Variants in KIAA1217 observed in about 807,000 individuals in gnomAD.
The protein encoded by KIAA1217 is KIAA1217, also known as sickle tail protein homolog.
A neutral mutation model predicts 163.9 loss-of-function variants in KIAA1217; 88 were observed. The observed-to-expected ratio is 0.54, with a 90% confidence interval of 0.45 to 0.64. The LOEUF (loss-of-function observed/expected upper bound fraction) is 0.64. KIAA1217 is among the 30% of genes least tolerant of loss of function. The pLI is 0.00. For synonymous variants in KIAA1217, 903 were observed against 923.1 expected (o/e 0.98, Z 0.39); for missense variants, 2,372 against 2,475.0 (o/e 0.96, Z 0.88).
intron 2 of KIAA1217, among the ~76,000 whole-genome samples, chr10:24,033,132 C>A (rs1054249668): frequency 5.3e-5 from 8 of 152,126 alleles, no homozygotes; most frequent in African/African-American, 1.9e-4. Flanking sequence ...TTTTAAGATT[C>A]TTTTACAATA....
At chr10:24,481,637 A>G (rs974168233) in intron 6 of KIAA1217, 1 of 152,218 alleles carries the variant, frequency 6.6e-6, no homozygotes, top group Non-Finnish European at 1.5e-5. Flanking sequence ...TGGAAATCCA[A>G]CCACCATTTA....
intron 2 of KIAA1217, among the ~76,000 whole-genome samples, chr10:24,016,960 A>G (rs1017646472): frequency 6.6e-6 from 1 of 151,776 alleles, no homozygotes; most frequent in African/African-American, 2.4e-5. Context: ...AGCATTATAG[A>G]CTTACCCATA....
chr10:23,834,650 G>A (rs1189153346), intron 1 of KIAA1217, among the ~76,000 whole-genome samples: 4 of 152,152 alleles, frequency 2.6e-5, no homozygotes, highest in Non-Finnish European at 4.4e-5. Context: ...TGGCAAGGGG[G>A]CAGTGTGGCT....
intron 1 of KIAA1217, among the ~76,000 whole-genome samples, chr10:24,002,630 T>C (rs11013843): frequency 3.4e-4 from 52 of 152,184 alleles, no homozygotes; most frequent in African/African-American, 1.2e-3. Flanking sequence ...ACCCCTCTCT[T>C]TTATATCCTT....
chr10:24,017,470 C>T (rs1224941158), intron 2 of KIAA1217, among the ~76,000 whole-genome samples: 3 of 151,986 alleles, frequency 2.0e-5, no homozygotes, highest in African/African-American at 4.8e-5. Context: ...AGATGCCAAC[C>T]TTAATTAAGA....
chr10:23,714,272 C>A (rs1207528526), intron 1 of KIAA1217, among the ~76,000 whole-genome samples: 2 of 147,244 alleles, frequency 1.4e-5, no homozygotes, highest in Non-Finnish European at 2.9e-5. Context: ...TGTCTTAGGG[C>A]AGCTTCCACA....
intron 2 of KIAA1217, among the ~76,000 whole-genome samples, chr10:24,135,218 C>T (rs914806958): frequency 2.0e-5 from 3 of 152,148 alleles, no homozygotes; most frequent in Admixed American, 2.0e-4. Context: ...TTCCAAGCAG[C>T]GGGCTGCCAC....
At chr10:24,075,185 T>C (rs1393311018) in intron 2 of KIAA1217, among the ~76,000 whole-genome samples, 1 of 148,870 alleles carries the variant, frequency 6.7e-6, no homozygotes, top group Non-Finnish European at 1.5e-5. Flanking sequence ...ACATGCTCAC[T>C]ACAGCCTCAA....
At chr10:24,493,991 G>A (rs539640739) in intron 6 of KIAA1217, among the ~76,000 whole-genome samples, 3 of 152,148 alleles carry the variant, frequency 2.0e-5, no homozygotes, top group Non-Finnish European at 2.9e-5. Flanking sequence ...ATGGTCTAAA[G>A]AAGAGACATG....
chr10:23,893,234 C>T (rs894702222), intron 1 of KIAA1217, among the ~76,000 whole-genome samples: 21 of 152,042 alleles, frequency 1.4e-4, no homozygotes, highest in African/African-American at 3.9e-4. Flanking sequence ...GTGTATGTGT[C>T]GAGGAATTTA....
chr10:23,751,453 T>C (rs376611156), intron 1 of KIAA1217, among the ~76,000 whole-genome samples: 14 of 152,340 alleles, frequency 9.2e-5, no homozygotes, highest in African/African-American at 3.1e-4. Context: ...GAAGCATTTT[T>C]GAAAGTATGC....
chr10:24,393,086 T>A (rs1237251275), intron 3 of KIAA1217, among the ~76,000 whole-genome samples: 2 of 152,094 alleles, frequency 1.3e-5, no homozygotes, highest in Non-Finnish European at 2.9e-5. Flanking sequence ...ATGTTAGAAA[T>A]AAAATTAAGA....
rs766762609 is a variant in KIAA1217 at position 24,546,148 on chromosome 10, C to A, written c.5656C>A (p.Arg1886=). The A allele has an allele frequency of 6.2e-7, 1 of 1,614,128 alleles. No individual in the cohort carries two copies. The highest frequency in any genetic ancestry group is 8.5e-7 in the Non-Finnish European group (1 of 1,180,022). The change falls in exon 21 of 21, where the codon CGA becomes AGA. Residue 1886 remains arginine (R), a synonymous_variant. Transcript: ENST00000376454. ...ATTCTCACCGCAGAGTCAAAATGGCCGAGCACCCCCTCCTTTGTCATTTTC... is the reference window on the plus strand; with the variant it reads ...ATTCTCACCGCAGAGTCAAAATGGCAGAGCACCCCCTCCTTTGTCATTTTC... ...LSFSPQSQNG[R]APPPLSFSSS... is the part of the protein sequence containing the mutation.
chr10:23,897,032 A>G (rs181407906), intron 1 of KIAA1217, among the ~76,000 whole-genome samples: 1 of 152,184 alleles, frequency 6.6e-6, no homozygotes, highest in East Asian at 1.9e-4. Flanking sequence ...TGTTAATAAC[A>G]CTTTTTGGAA....
chr10:23,837,418 T>C (rs1425087489), intron 1 of KIAA1217, among the ~76,000 whole-genome samples: 1 of 152,220 alleles, frequency 6.6e-6, no homozygotes, highest in Non-Finnish European at 1.5e-5. Flanking sequence ...AGTAATTTAA[T>C]AATCCCCAAG....
chr10:24,375,197 G>A (rs889368848), intron 2 of KIAA1217, among the ~76,000 whole-genome samples: 1 of 152,180 alleles, frequency 6.6e-6, no homozygotes, highest in African/African-American at 2.4e-5. Flanking sequence ...CTGTCACCAG[G>A]GATGGGTTTA....
At chr10:24,106,290 A>T (rs2062626110) in intron 2 of KIAA1217, among the ~76,000 whole-genome samples, 2 of 152,054 alleles carry the variant, frequency 1.3e-5, no homozygotes, top group Admixed American at 1.3e-4. Context: ...TTATCTGGAG[A>T]CTAACCAATG....
intron 2 of KIAA1217, among the ~76,000 whole-genome samples, chr10:24,351,520 A>G (rs932457577): frequency 1.2e-4 from 18 of 152,134 alleles, no homozygotes; most frequent in African/African-American, 4.3e-4. Flanking sequence ...TGGAGGGGTC[A>G]GAGTCTTGTG....
chr10:24,425,783 G>A (rs1352202518), intron 3 of KIAA1217, among the ~76,000 whole-genome samples: 2 of 152,078 alleles, frequency 1.3e-5, no homozygotes, highest in East Asian at 1.9e-4. Context: ...GTACTTTGGG[G>A]GCTTTTGATA....
Sources: allele counts gnomAD v4.1 joint callset (sites outside exome capture counted in the v4.1 genomes callset), GRCh38; gene constraint gnomAD v4.1.1; transcripts MANE v1.5; gene names NCBI Gene and HGNC (gene_info 2026-07-23, HGNC 2026-07-21).